MAST2: variants seen among roughly 807,000 people sequenced by gnomAD.
MAST2 encodes microtubule-associated serine/threonine-protein kinase 2.
MAST2 carries 70 observed loss-of-function variants against 147.4 expected under a neutral mutation model. The observed-to-expected ratio is 0.47, with a 90% CI of 0.39 to 0.58. The LOEUF (loss-of-function observed/expected upper bound fraction) is 0.58, where lower values mean the gene tolerates loss of function less well. Among genes scored for constraint, MAST2 ranks in the 20% least tolerant of loss-of-function variants. MAST2 has a pLI of 0.00. For missense variants in MAST2, 2,080 were observed against 2,302.3 expected (o/e 0.90, Z 1.98); for synonymous variants, 869 against 896.8 (o/e 0.97, Z 0.55).
intron 7 of MAST2, among the ~76,000 whole-genome samples, chr1:46,004,367 A>C (rs1461464523): frequency 6.6e-6 from 1 of 151,530 alleles, no homozygotes; most frequent in East Asian, 1.9e-4. Flanking sequence ...ATCTCAAAAA[A>C]AAAAAAAAAA....
rs1015699528 is a variant in MAST2 at position 46,023,601 on chromosome 1, G to A, written c.1572-171G>A. 8 of 653,714 alleles carry A rather than the reference G, an allele frequency of 1.2e-5. No homozygotes were observed. In the African/African-American group the frequency reaches 1.3e-4, roughly 10 times the overall value. The allele number at this position is 653,714 out of a possible 1,614,324, so 40.5% of individuals were successfully genotyped here. A position where few individuals can be genotyped will look rare whatever the true frequency, so the allele number is the denominator to read the frequency against. On this transcript the variant is annotated intron_variant, in intron 14 of 28. Coordinates refer to ENST00000361297, the MANE Select transcript of MAST2 (RefSeq NM_015112.3). This position sits in a 1 kb window ranked among gnomAD's most constrained non-coding sequence, Gnocchi z 4.9. ...TCATCAGGACATGGTCTATCAAGAA[G>A]TTTAAGAGTTCTATGGACCAGGGGG...
chr1:45,977,535 C>T (rs1371666326), intron 5 of MAST2, among the ~76,000 whole-genome samples: 1 of 151,908 alleles, frequency 6.6e-6, no homozygotes, highest in Non-Finnish European at 1.5e-5. Flanking sequence ...TGCAGTGGCT[C>T]ACGCCTGTAA....
At position 46,035,219 on chromosome 1, in the gene MAST2, G is replaced by C; in HGVS notation, c.4550G>C (p.Gly1517Ala). 1 of 1,614,062 alleles carries C rather than the reference G, an allele frequency of 6.2e-7. No individual in the cohort carries two copies. The highest frequency in any genetic ancestry group is 2.2e-5 in the East Asian group (1 of 44,880). Residue 1517 changes from glycine to alanine, a missense_variant, in exon 29 of 29, where the codon GGT (glycine) becomes GCT (alanine). Gly to Ala is a moderately conservative substitution (Grantham distance 60). This residue lies in a region of MAST2 where 1,278 missense variants were observed against 1,304.2 expected (regional missense o/e 0.98). Transcript: ENST00000361297. The surrounding 1 kb of genome is among the most constrained non-coding windows in gnomAD (Gnocchi z 5.5). ...GAGGAAGGGCCTGAGAACAGCCAGG[G>C]TGCACAGGAGCTGAGCTTGGCACCT... ...DTEEGPENSQ[G>A]AQELSLAPHP...
intron 2 of MAST2, among the ~76,000 whole-genome samples, chr1:45,827,593 G>C (rs925414582): frequency 6.6e-6 from 1 of 152,116 alleles, no homozygotes; most frequent in Non-Finnish European, 1.5e-5. Flanking sequence ...ATGAAGGAAA[G>C]AAGGCAGGCA....
chr1:45,930,836 G>A lies in MAST2; in HGVS notation c.501-28550G>A, dbSNP rs564901911. 3.0e-4 allele frequency among the ~76,000 whole-genome samples: 46 copies of A among 152,142 alleles called. No homozygotes were observed. The South Asian group carries it at 9.3e-3, about 31-fold the overall frequency. The stretch of plus-strand genomic sequence containing the variant: ...AATAATGAAGTTTACATTTTTTAAG[G>A]GATATTTACAAAAAACAAGGAATAT... On this transcript the variant is annotated intron_variant, in intron 4 of 28. Coordinates refer to ENST00000361297, the MANE Select transcript of MAST2 (RefSeq NM_015112.3).
At chr1:45,918,583 G>A (rs1051895865) in intron 4 of MAST2, among the ~76,000 whole-genome samples, 8 of 152,000 alleles carry the variant, frequency 5.3e-5, no homozygotes, top group Non-Finnish European at 7.4e-5. Flanking sequence ...GATTACAGGC[G>A]GCTGCCCCCA....
chr1:45,882,042 A>G (rs1646872601), intron 3 of MAST2, among the ~76,000 whole-genome samples: 2 of 142,370 alleles, frequency 1.4e-5, no homozygotes, highest in Non-Finnish European at 3.1e-5. Context: ...AAAAAAAAAA[A>G]TTAGCCAGGC....
chr1:46,013,026 G>A (rs987630732), intron 10 of MAST2, among the ~76,000 whole-genome samples: 10 of 151,990 alleles, frequency 6.6e-5, no homozygotes, highest in African/African-American at 1.2e-4. Context: ...AGATTGTATC[G>A]TGAAGGCAGT....
intron 1 of MAST2, among the ~76,000 whole-genome samples, chr1:45,813,287 A>G (rs924707224): frequency 1.3e-5 from 2 of 151,912 alleles, no homozygotes; most frequent in African/African-American, 2.4e-5. Flanking sequence ...TTAGTCAATG[A>G]TGGATGACAT....
chr1:45,952,883 C>T (rs1456574782), intron 4 of MAST2, among the ~76,000 whole-genome samples: 2 of 152,090 alleles, frequency 1.3e-5, no homozygotes, highest in African/African-American at 4.8e-5. Context: ...AGAAGAAATA[C>T]ATGAGATCCC....
chr1:45,832,239 G>C (rs1222218703), intron 3 of MAST2, among the ~76,000 whole-genome samples: 1 of 151,810 alleles, frequency 6.6e-6, no homozygotes, highest in African/African-American at 2.4e-5. Context: ...TACCCTCCTA[G>C]AGATTTTGAT....
intron 5 of MAST2, among the ~76,000 whole-genome samples, chr1:45,966,750 C>T (rs10047050): frequency 0.034 from 5,211 of 151,992 alleles, 298 homozygotes; most frequent in African/African-American, 0.12. Flanking sequence ...ACTCCCAGGC[C>T]GCCTTCCAAA....
chr1:45,821,515 C>CTTTT (rs59159342), intron 1 of MAST2, among the ~76,000 whole-genome samples: 25 of 70,922 alleles, frequency 3.5e-4, no homozygotes, highest in East Asian at 9.5e-4. Flanking sequence ...GTTATTTCTT[C>CTTTT]TTTTTTTTTT....
In MAST2 at chr1:46,021,949, G is replaced by A. The variant is rs761516184; in HGVS notation, c.1291-1G>A. On this transcript the variant is annotated splice_acceptor_variant, in intron 11 of 28. Transcript: ENST00000361297. LOFTEE classifies it high-confidence loss of function. ...CTGACTATCTCTCTCCCTTGGTACA[G>A]GAGTTTGACCCTGAAGAGTTCTACC... The A allele has an allele frequency of 2.5e-6, 4 of 1,614,122 alleles. No individual in the cohort carries two copies. The highest frequency in any genetic ancestry group is 3.4e-6 in the Non-Finnish European group (4 of 1,179,998).
In MAST2 at chr1:46,035,061, G is replaced by A; in HGVS notation, c.4392G>A (p.Leu1464=). 6.2e-7 allele frequency: 1 copy of A among 1,613,880 alleles called. No individual in the cohort carries two copies. The highest frequency in any genetic ancestry group is 8.5e-7 in the Non-Finnish European group (1 of 1,179,980). Reference sequence around the variant, plus strand: ...GTGTGCTGTCTGGCAAGGGGGCCCTGCCAGGGAAGGGGGTGCTGCAGCCTG... The same window carrying A: ...GTGTGCTGTCTGGCAAGGGGGCCCTACCAGGGAAGGGGGTGCTGCAGCCTG... ...ARSVLSGKGA[L]PGKGVLQPAP... Residue 1464 remains leucine, a synonymous_variant, in exon 29 of 29, where the codon CTG becomes CTA. Coordinates refer to ENST00000361297, the MANE Select transcript of MAST2 (RefSeq NM_015112.3). The surrounding 1 kb of genome is among the most constrained non-coding windows in gnomAD (Gnocchi z 5.5).
intron 3 of MAST2, among the ~76,000 whole-genome samples, chr1:45,856,002 A>T (rs188976069): frequency 7.5e-4 from 114 of 152,300 alleles, no homozygotes; most frequent in Middle Eastern, 3.4e-3. Context: ...TTTAACTTGG[A>T]TTGATCTTGA....
chr1:46,018,901 C>G (rs1646067735), intron 10 of MAST2, among the ~76,000 whole-genome samples: 1 of 152,200 alleles, frequency 6.6e-6, no homozygotes, highest in Non-Finnish European at 1.5e-5. Flanking sequence ...CCTAGCTGTT[C>G]TTTCTCTAAA....
chr1:45,897,372 A>C (rs902087719), intron 4 of MAST2, among the ~76,000 whole-genome samples: 3 of 152,232 alleles, frequency 2.0e-5, no homozygotes, highest in Admixed American at 6.5e-5. Flanking sequence ...GAATTTTGCC[A>C]TTAGGTTTAA....
chr1:45,983,582 C>T (rs1379280947), intron 5 of MAST2, among the ~76,000 whole-genome samples: 6 of 151,606 alleles, frequency 4.0e-5, no homozygotes, highest in Admixed American at 3.9e-4. Flanking sequence ...CCTCTACCTT[C>T]CAGGGCTCAA....
Sources: allele counts gnomAD v4.1 joint callset (sites outside exome capture counted in the v4.1 genomes callset), GRCh38; gene constraint gnomAD v4.1.1; regional missense constraint gnomAD v4.1.1; non-coding constraint Gnocchi (gnomAD v3.1); transcripts MANE v1.5; gene names NCBI Gene and HGNC (gene_info 2026-07-23, HGNC 2026-07-21).